PDZD2: variants seen among roughly 807,000 people sequenced by gnomAD.
The protein encoded by PDZD2 is PDZ domain containing 2.
PDZD2 carries 90 observed loss-of-function variants against 220.7 expected under a neutral mutation model. The observed-to-expected ratio is 0.41, with a 90% confidence interval of 0.34 to 0.49. The LOEUF (loss-of-function observed/expected upper bound fraction) is 0.49, where lower values mean the gene tolerates loss of function less well. Ranked by LOEUF, PDZD2 falls within the 20% of genes least tolerant of loss-of-function variation. PDZD2 has a pLI of 0.28. For synonymous variants in PDZD2, 1,375 were observed against 1,450.5 expected (o/e 0.95, Z 1.18); for missense variants, 3,174 against 3,608.5 (o/e 0.88, Z 3.08).
intron 19 of PDZD2, among the ~76,000 whole-genome samples, chr5:32,084,758 T>C (rs1221472434): frequency 6.6e-6 from 1 of 152,044 alleles, no homozygotes; most frequent in Admixed American, 6.6e-5. Flanking sequence ...TGTTGCAAGA[T>C]GCTGTGTGTC....
At chr5:31,892,024 C>T (rs1741092500) in intron 2 of PDZD2, among the ~76,000 whole-genome samples, 1 of 152,106 alleles carries the variant, frequency 6.6e-6, no homozygotes, top group African/African-American at 2.4e-5. Flanking sequence ...AATCCTTCTG[C>T]CTCAGCCTCC....
chr5:31,651,368 A>C, intron 1 of PDZD2, among the ~76,000 whole-genome samples: 1 of 152,156 alleles, frequency 6.6e-6, no homozygotes, highest in East Asian at 1.9e-4. Flanking sequence ...ACTTTGCCCG[A>C]GGATTGTGCA....
chr5:31,713,943 G>A (rs1748285102), intron 1 of PDZD2, among the ~76,000 whole-genome samples: 1 of 152,188 alleles, frequency 6.6e-6, no homozygotes, highest in South Asian at 2.1e-4. Context: ...GCAGAACCAT[G>A]GGCCAAATAA....
chr5:32,085,449 A>AT (rs760556899), intron 19 of PDZD2, among the ~76,000 whole-genome samples: 2,883 of 146,926 alleles, frequency 0.02, 58 homozygotes, highest in Middle Eastern at 0.052. Flanking sequence ...ATACCTTATT[A>AT]TTATTTTTTT....
At chr5:31,840,317 A>G (rs1254252717) in intron 2 of PDZD2, among the ~76,000 whole-genome samples, 1 of 149,420 alleles carries the variant, frequency 6.7e-6, no homozygotes, top group Non-Finnish European at 1.5e-5. Flanking sequence ...AGAAACCTGA[A>G]AGTTTAATTA....
intron 2 of PDZD2, among the ~76,000 whole-genome samples, chr5:31,890,538 A>G (rs947110823): frequency 3.9e-5 from 6 of 152,190 alleles, no homozygotes; most frequent in African/African-American, 1.2e-4. Flanking sequence ...AGCCGGGCCT[A>G]GAGCCAGGGC....
At chr5:31,990,870 T>C (rs1751155240) in intron 3 of PDZD2, among the ~76,000 whole-genome samples, 2 of 152,286 alleles carry the variant, frequency 1.3e-5, no homozygotes, top group Admixed American at 1.3e-4. Context: ...GGCAGTGTCA[T>C]GGGCAGGGGG....
chr5:32,016,850 C>G (rs1311407962), intron 6 of PDZD2, among the ~76,000 whole-genome samples: 1 of 152,192 alleles, frequency 6.6e-6, no homozygotes, highest in Admixed American at 6.5e-5. Context: ...ATGTTGTCTT[C>G]CCTGGCCCTT....
intron 1 of PDZD2, among the ~76,000 whole-genome samples, chr5:31,711,789 AT>A (rs1309341460): frequency 6.6e-6 from 1 of 152,236 alleles, no homozygotes; most frequent in Admixed American, 6.5e-5. Flanking sequence ...GGCGAGGGTT[AT>A]CTGCAGCAGG....
chr5:31,676,031 T>C (rs1027839066), intron 1 of PDZD2, among the ~76,000 whole-genome samples: 8 of 152,104 alleles, frequency 5.3e-5, no homozygotes, highest in African/African-American at 9.7e-5. Flanking sequence ...TCCTTACCCA[T>C]AAAAACTTAG....
At chr5:31,889,430 A>C (rs964728321) in intron 2 of PDZD2, among the ~76,000 whole-genome samples, 2 of 152,216 alleles carry the variant, frequency 1.3e-5, no homozygotes, top group African/African-American at 4.8e-5. Flanking sequence ...GCTGTTCAGA[A>C]AGGCCTGTCA....
chr5:31,992,256 A>C (rs1439283415), intron 3 of PDZD2, among the ~76,000 whole-genome samples: 1 of 152,134 alleles, frequency 6.6e-6, no homozygotes, highest in African/African-American at 2.4e-5. Flanking sequence ...CTGTTTCTTG[A>C]GTAGTGTAGT....
intron 2 of PDZD2, among the ~76,000 whole-genome samples, chr5:31,881,259 A>G (rs1472306939): frequency 1.3e-5 from 2 of 151,282 alleles, no homozygotes; most frequent in East Asian, 3.9e-4. Flanking sequence ...TGCTTTGTAA[A>G]TTAGGGTTAG....
chr5:31,741,320 C>T (rs1265984472), intron 1 of PDZD2, among the ~76,000 whole-genome samples: 1 of 150,988 alleles, frequency 6.6e-6, no homozygotes, highest in Non-Finnish European at 1.5e-5. Flanking sequence ...CTATTTCCCC[C>T]AATTTTTGGC....
In PDZD2 at chr5:31,667,024, C is replaced by T. The variant is rs186269761; in HGVS notation, c.-361+27587C>T. ...GGCCGAGGTGGGCGGATCACGAGGTCAGGAGATCGAGACCATCCTGGCTAA... is the reference window on the plus strand; with the variant it reads ...GGCCGAGGTGGGCGGATCACGAGGTTAGGAGATCGAGACCATCCTGGCTAA... On this transcript the variant is annotated intron_variant, in intron 1 of 24. Transcript: ENST00000438447. Among the ~76,000 whole-genome samples the T allele has an allele frequency of 2.2e-3, 340 of 152,094 alleles. 1 individual carries two copies. Among genetic ancestry groups the T allele is most frequent in the African/African-American group, 7.8e-3 (324 of 41,486 alleles).
chr5:32,086,843 ATTTTTTTT>A (rs10710224), intron 19 of PDZD2, among the ~76,000 whole-genome samples: 1 of 85,210 alleles, frequency 1.2e-5, no homozygotes, highest in Non-Finnish European at 2.2e-5. Context: ...TGCCCAGCTA[ATTTTTTTT>A]TTTTTTTTTT....
At chr5:32,073,448 T>G (rs1740944182) in intron 17 of PDZD2, among the ~76,000 whole-genome samples, 2 of 152,184 alleles carry the variant, frequency 1.3e-5, no homozygotes, top group South Asian at 4.1e-4. Context: ...GTGGGACATG[T>G]CATCAGTCCC....
chr5:31,707,169 G>A (rs1368711427), intron 1 of PDZD2, among the ~76,000 whole-genome samples: 1 of 116,594 alleles, frequency 8.6e-6, no homozygotes, highest in Non-Finnish European at 1.7e-5. Flanking sequence ...GGGGGGAGGG[G>A]GGAGGGATAG....
At chr5:31,650,180 G>A (rs918089798) in intron 1 of PDZD2, among the ~76,000 whole-genome samples, 1 of 151,932 alleles carries the variant, frequency 6.6e-6, no homozygotes, top group Non-Finnish European at 1.5e-5. Context: ...GCAGGAAAAT[G>A]AATTATCCAA....
Sources: gnomAD v4.1 joint callset for allele counts (sites outside exome capture counted in the v4.1 genomes callset) on GRCh38, gnomAD v4.1.1 for gene constraint, MANE v1.5 for transcripts, NCBI Gene and HGNC (gene_info 2026-07-23, HGNC 2026-07-21) for gene names.